Variants in LIMCH1 observed in about 807,000 individuals in gnomAD.
LIMCH1 encodes the protein LIM and calponin homology domains 1, also known as LIM and calponin homology domains-containing protein 1.
In LIMCH1, 113 loss-of-function variants were observed where a neutral mutation model predicts 176.5. The observed-to-expected ratio is 0.64, with a 90% CI of 0.55 to 0.75. The LOEUF (loss-of-function observed/expected upper bound fraction) is 0.75. LIMCH1 is among the 30% of genes least tolerant of loss of function. The probability of loss-of-function intolerance (pLI) is 0.00; values close to 1 mark genes in which losing one functional copy is unlikely to be tolerated. For missense variants in LIMCH1, 1,674 were observed against 1,814.9 expected, an observed-to-expected ratio of 0.92 and a Z score of 1.41; for synonymous variants, 619 against 645.9, an observed-to-expected ratio of 0.96 and a Z score of 0.63.
At chr4:41,438,082 A>G (rs1184162719) in intron 1 of LIMCH1, among the ~76,000 whole-genome samples, 2 of 152,130 alleles carry the variant, frequency 1.3e-5, no homozygotes, top group Admixed American at 6.5e-5. Flanking sequence ...CCAATCAGCT[A>G]CCTTTTTTTT....
At chr4:41,535,138 G>A (rs1484878404), upstream of LIMCH1, among the ~76,000 whole-genome samples, 1 of 147,104 alleles carries the variant, frequency 6.8e-6, no homozygotes, top group African/African-American at 2.5e-5. Flanking sequence ...CTCCAGCCTG[G>A]GTGATGGGAG....
intron 1 of LIMCH1, among the ~76,000 whole-genome samples, chr4:41,433,085 T>G (rs1428645123): frequency 1.3e-5 from 2 of 152,200 alleles, no homozygotes; most frequent in Non-Finnish European, 2.9e-5. Context: ...TCTCTTAACA[T>G]GAGGGAAATC....
rs1430909782 is a variant in LIMCH1, at chr4:41,666,645, T to C, written c.3376T>C (p.Leu1126=). The change falls in exon 21 of 32, where the codon TTG becomes CTG. Residue 1126 remains leucine, a synonymous_variant. Coordinates refer to ENST00000503057, the MANE Select transcript of LIMCH1 (RefSeq NM_001330672.2). The part of the protein sequence containing the change: ...DKMPEANQLH[L]PNLNSQVDSP... ...AATGCCTGAAGCCAACCAACTACAT[T>C]TGCCAAATCTCAATTCTCAAGGTAA... The C allele has an allele frequency of 1.9e-6, 3 of 1,612,478 alleles. No individual in the cohort carries two copies. Among genetic ancestry groups the C allele is most frequent in the South Asian group, 1.1e-5 (1 of 91,052 alleles).
chr4:41,681,413 A>T (rs950477910), intron 25 of LIMCH1, among the ~76,000 whole-genome samples: 2 of 152,134 alleles, frequency 1.3e-5, no homozygotes, highest in Admixed American at 6.5e-5. Context: ...TTCATTCAAT[A>T]TATATTTATT....
At chr4:41,603,269 C>CT (rs1348367362) in intron 2 of LIMCH1, among the ~76,000 whole-genome samples, 2 of 148,436 alleles carry the variant, frequency 1.3e-5, no homozygotes, top group South Asian at 2.1e-4. Context: ...TTCGAAGTAG[C>CT]TTTTTTGTTT....
At chr4:41,405,857 A>G (rs2058904848) in intron 1 of LIMCH1, among the ~76,000 whole-genome samples, 1 of 152,242 alleles carries the variant, frequency 6.6e-6, no homozygotes, top group South Asian at 2.1e-4. Flanking sequence ...ATGCAAGGCT[A>G]AGAACAAAAC....
chr4:41,562,796 C>T (rs1430653173), intron 1 of LIMCH1, among the ~76,000 whole-genome samples: 9 of 152,008 alleles, frequency 5.9e-5, no homozygotes, highest in Non-Finnish European at 1.3e-4. Flanking sequence ...GGTATCTGCA[C>T]CAAGGAGAAA....
chr4:41,670,568 T>C, intron 21 of LIMCH1: 1 of 531,336 alleles, frequency 1.9e-6, no homozygotes, highest in South Asian at 2.9e-5. Context: ...ATGTGTGTTA[T>C]TAAGACATTT....
Position 41,619,176 on chromosome 4 carries a change from T to C in LIMCH1, c.206-12T>C, listed in dbSNP as rs781110199. 173 of 1,613,668 alleles carry C rather than the reference T, an allele frequency of 1.1e-4. No individual in the cohort carries two copies. The highest frequency in any genetic ancestry group is 1.4e-4 in the Non-Finnish European group (165 of 1,179,762). Reference sequence around the variant, plus strand: ...TAACACACTTTCTCAGTACCCATCCTCTCTTCCCTAGGGAGAGGAAGCGAC... The same window carrying C: ...TAACACACTTTCTCAGTACCCATCCCCTCTTCCCTAGGGAGAGGAAGCGAC... On this transcript the variant is annotated splice_polypyrimidine_tract_variant and intron_variant, in intron 5 of 31. Transcript: ENST00000503057.
intron 1 of LIMCH1, among the ~76,000 whole-genome samples, chr4:41,486,461 A>G (rs2069551088): frequency 6.6e-6 from 1 of 152,222 alleles, no homozygotes; most frequent in Non-Finnish European, 1.5e-5. Context: ...GTTTATAGCA[A>G]TGGCTTATGC....
At chr4:41,490,293 T>A (rs1002192709) in intron 1 of LIMCH1, among the ~76,000 whole-genome samples, 5 of 150,276 alleles carry the variant, frequency 3.3e-5, no homozygotes, top group Admixed American at 6.6e-5. Context: ...TTTTTTTTTT[T>A]AATTTATTGA....
intron 1 of LIMCH1, among the ~76,000 whole-genome samples, chr4:41,416,168 A>G (rs902142632): frequency 1.4e-4 from 21 of 152,076 alleles, no homozygotes; most frequent in Non-Finnish European, 2.4e-4. Flanking sequence ...TTACTCTGAA[A>G]CCCAATGAAC....
chr4:41,604,509 A>G (rs945135615), intron 3 of LIMCH1, among the ~76,000 whole-genome samples: 3 of 152,214 alleles, frequency 2.0e-5, no homozygotes, highest in African/African-American at 7.2e-5. Flanking sequence ...TCTTTTTAAA[A>G]AAGTTTCCCT....
In LIMCH1 at chr4:41,644,645, G is replaced by T. The variant is rs1309180394; in HGVS notation, c.2253+19G>T. The T allele has an allele frequency of 9.4e-6, 15 of 1,593,692 alleles. No homozygotes were observed. The highest frequency in any genetic ancestry group is 1.2e-5 in the Non-Finnish European group (14 of 1,168,408). On this transcript the variant is annotated intron_variant, in intron 15 of 31. Coordinates refer to ENST00000503057, the MANE Select transcript of LIMCH1 (RefSeq NM_001330672.2). ...GCAAGATGTGAGTTGTGGCCAAGGC[G>T]CGCGGGCAGCGGGGAGGCTTCTGGC... is the stretch of plus-strand genomic sequence containing the variant.
intron 1 of LIMCH1, among the ~76,000 whole-genome samples, chr4:41,383,464 G>A (rs2056018396): frequency 6.6e-6 from 1 of 152,274 alleles, no homozygotes; most frequent in African/African-American, 2.4e-5. Context: ...TTAAAGCCAG[G>A]GATCTGTGGG....
In LIMCH1 at chr4:41,370,535, G is replaced by A. The variant is rs115356002; in HGVS notation, c.96+9599G>A. ...CCTATGGAAAATTAAAAAAAAAGTT[G>A]CCTGTGGAGCTGAATGTTGTCATCA... On this transcript the variant is annotated intron_variant, in intron 1 of 26. Transcript: ENST00000313860. Among the ~76,000 whole-genome samples the A allele has an allele frequency of 2.0e-3, 299 of 152,160 alleles. 2 individuals are homozygous for A. The highest frequency in any genetic ancestry group is 6.8e-3 in the African/African-American group (281 of 41,528).
intron 13 of LIMCH1, among the ~76,000 whole-genome samples, chr4:41,637,672 T>C (rs2093648619): frequency 6.6e-6 from 1 of 152,192 alleles, no homozygotes; most frequent in South Asian, 2.1e-4. Flanking sequence ...TTTTTGGCCA[T>C]TTCAACAGAG....
At chr4:41,383,211 G>T (rs1030788228) in intron 1 of LIMCH1, among the ~76,000 whole-genome samples, 1 of 152,136 alleles carries the variant, frequency 6.6e-6, no homozygotes, top group African/African-American at 2.4e-5. Flanking sequence ...TCTATGTTTG[G>T]TCTGGAGGTA....
upstream of LIMCH1, among the ~76,000 whole-genome samples, chr4:41,535,451 C>T (rs1235921479): frequency 6.6e-6 from 1 of 152,116 alleles, no homozygotes; most frequent in Non-Finnish European, 1.5e-5. Flanking sequence ...CTCCTTGGCT[C>T]CCAGATGGCT....
Sources: gnomAD v4.1 joint callset for allele counts (sites outside exome capture counted in the v4.1 genomes callset) on GRCh38, gnomAD v4.1.1 for gene constraint, MANE v1.5 for transcripts, NCBI Gene and HGNC (gene_info 2026-07-23, HGNC 2026-07-21) for gene names.